Variants in AK8 observed in about 807,000 individuals in gnomAD.
The protein encoded by AK8 is adenylate kinase 8, also known as ATP-AMP transphosphorylase 8.
A neutral mutation model predicts 54.6 loss-of-function variants in AK8; 44 were observed. The observed-to-expected ratio is 0.81, with a 90% CI of 0.63 to 1.04. The LOEUF (loss-of-function observed/expected upper bound fraction) is 1.04, where lower values mean the gene tolerates loss of function less well. Among genes scored for constraint, AK8 ranks in the 50% least tolerant of loss-of-function variants. The pLI, the probability that AK8 is intolerant of heterozygous loss-of-function variation, is 0.00. For synonymous variants in AK8, 239 were observed against 245.6 expected (o/e 0.97, Z 0.25); for missense variants, 555 against 613.6 (o/e 0.90, Z 1.01).
chr9:132,858,568 C>G (rs1011626115), intron 4 of AK8, among the ~76,000 whole-genome samples: 2 of 152,214 alleles, frequency 1.3e-5, no homozygotes, highest in African/African-American at 2.4e-5. Context: ...ATGCCCTGAT[C>G]TGACCCCCAC....
At chr9:132,814,846 TAAAAGG>T in intron 9 of AK8, 119 bp from the exon 10 acceptor site, 1 of 785,168 alleles carries the variant, frequency 1.3e-6, no homozygotes, top group Non-Finnish European at 2.0e-6. Flanking sequence ...GAAAAAAGCA[TAAAAGG>T]GTTTTTCTGT....
intron 5 of AK8, among the ~76,000 whole-genome samples, chr9:132,844,748 G>C (rs1229654708): frequency 5.3e-5 from 8 of 152,186 alleles, no homozygotes; most frequent in Admixed American, 3.9e-4. Flanking sequence ...TATAAGACTA[G>C]AAGGGATTTC....
At chr9:132,732,631 G>A (rs922615044) in intron 11 of AK8, among the ~76,000 whole-genome samples, 1 of 152,102 alleles carries the variant, frequency 6.6e-6, no homozygotes, top group Non-Finnish European at 1.5e-5. Flanking sequence ...GCAATGAAGT[G>A]GAAGCCCGGG....
intron 11 of AK8, among the ~76,000 whole-genome samples, chr9:132,785,907 T>C (rs1839683164): frequency 6.6e-6 from 1 of 152,230 alleles, no homozygotes. Flanking sequence ...AATGGCTTCT[T>C]GAAACCCGCA....
At chr9:132,822,736 G>A (rs1841698896) in intron 9 of AK8, among the ~76,000 whole-genome samples, 1 of 152,120 alleles carries the variant, frequency 6.6e-6, no homozygotes, top group African/African-American at 2.4e-5. Context: ...TGTGCGGAGT[G>A]AGAAGTCTTC....
intron 11 of AK8, among the ~76,000 whole-genome samples, chr9:132,768,256 C>T (rs569450013): frequency 4.7e-4 from 66 of 139,414 alleles, no homozygotes; most frequent in Non-Finnish European, 7.0e-4. Flanking sequence ...AAATCAAAAT[C>T]ATTAACTTTT....
In AK8 at chr9:132,725,597, T is replaced by C. The variant is rs1836518049; in HGVS notation, c.*91A>G. 5.0e-6 allele frequency: 6 copies of C among 1,207,782 alleles called. No homozygotes were observed. In the African/African-American group the frequency reaches 6.1e-5, roughly 12 times the overall value. The allele number at this position is 1,207,782 out of a possible 1,614,324, so 74.8% of individuals were successfully genotyped here. A position where few individuals can be genotyped will look rare whatever the true frequency, so the allele number is the denominator to read the frequency against. On this transcript the variant is annotated 3_prime_UTR_variant, in exon 13 of 13. Transcript: ENST00000298545. ...ACGAGACTGTATCCAGCAGGCTTTATTGGCTTTTTAGGGGAGCTGTGCCGA... is the reference window on the plus strand; with the variant it reads ...ACGAGACTGTATCCAGCAGGCTTTACTGGCTTTTTAGGGGAGCTGTGCCGA...
At position 132,798,872 on chromosome 9, in the gene AK8, G is replaced by A. The variant is rs373005536; in HGVS notation, c.980-6097C>T. Among the ~76,000 whole-genome samples the A allele has an allele frequency of 5.3e-5, 8 of 152,228 alleles. No homozygotes were observed. In the East Asian group the frequency reaches 1.2e-3, roughly 22 times the overall value. The stretch of plus-strand genomic sequence containing the variant: ...TGCTCCCAGGCCTCCACTCCCCACC[G>A]CGGGCCCGTGTCCCACCCTCCTGTC... On this transcript the variant is annotated intron_variant, in intron 10 of 12. Transcript: ENST00000298545.
intron 11 of AK8, among the ~76,000 whole-genome samples, chr9:132,774,180 G>A (rs1043128377): frequency 6.6e-6 from 1 of 152,098 alleles, no homozygotes; most frequent in Non-Finnish European, 1.5e-5. Flanking sequence ...GGAGAGAAAA[G>A]GAGGCACAAT....
intron 10 of AK8, among the ~76,000 whole-genome samples, chr9:132,793,297 C>T (rs1840024870): frequency 1.3e-5 from 2 of 152,322 alleles, no homozygotes; most frequent in South Asian, 2.1e-4. Context: ...GACCTCATCA[C>T]CTCCCAAAGG....
At chr9:132,833,721 G>GA (rs1194300323) in intron 5 of AK8, among the ~76,000 whole-genome samples, 6 of 151,998 alleles carry the variant, frequency 3.9e-5, no homozygotes, top group African/African-American at 9.7e-5. Context: ...TGTCACAGAT[G>GA]AAAAAAAAGC....
Position 132,798,880 on chromosome 9 carries a change from G to A in AK8, c.980-6105C>T, listed in dbSNP as rs116729476. On this transcript the variant is annotated intron_variant, in intron 10 of 12. Transcript: ENST00000298545. ...GGCCTCCACTCCCCACCGCGGGCCCGTGTCCCACCCTCCTGTCTCGAAGGG... is the reference window on the plus strand; with the variant it reads ...GGCCTCCACTCCCCACCGCGGGCCCATGTCCCACCCTCCTGTCTCGAAGGG... Among the ~76,000 whole-genome samples, 1,020 of 152,218 alleles carry A rather than the reference G, an allele frequency of 6.7e-3. 5 individuals carry two copies. Among genetic ancestry groups the A allele is most frequent in the African/African-American group, 0.019 (791 of 41,544 alleles).
At position 132,767,527 on chromosome 9, in the gene AK8, CT is replaced by C. The variant is rs537695695; in HGVS notation, c.1121+25106del. On this transcript the variant is annotated intron_variant, in intron 11 of 12. Transcript: ENST00000298545. ...TTAGCGGGGCTGTAAATTAGTGCAG[CT>C]ACTTCGGAAAACAGTATGGAGGTTC... Among the ~76,000 whole-genome samples the C allele has an allele frequency of 2.3e-3, 352 of 152,174 alleles. 5 individuals carry two copies. Among genetic ancestry groups the C allele is most frequent in the African/African-American group, 8.3e-3 (346 of 41,540 alleles).
intron 10 of AK8, 65 bp downstream of exon 10, chr9:132,814,573 C>T (rs766002208): frequency 3.0e-5 from 44 of 1,476,242 alleles, no homozygotes; most frequent in Admixed American, 9.9e-5. Context: ...TTCAGAGAGC[C>T]GCACAAAAAG....
intron 10 of AK8, among the ~76,000 whole-genome samples, chr9:132,796,050 G>T (rs1320823577): frequency 2.0e-5 from 3 of 152,188 alleles, no homozygotes; most frequent in Non-Finnish European, 4.4e-5. Context: ...GGCCTGGAAG[G>T]TCATCCCATT....
intron 4 of AK8, among the ~76,000 whole-genome samples, chr9:132,859,452 T>A (rs1208253691): frequency 6.6e-6 from 1 of 151,796 alleles, no homozygotes; most frequent in Non-Finnish European, 1.5e-5. Flanking sequence ...AAGGTGGCGA[T>A]CCTCCCGCCT....
intron 5 of AK8, among the ~76,000 whole-genome samples, chr9:132,830,152 G>C (rs1221179108): frequency 6.6e-6 from 1 of 152,182 alleles, no homozygotes; most frequent in African/African-American, 2.4e-5. Flanking sequence ...TCCTTGCATA[G>C]AAGTTTTCAC....
intron 3 of AK8, 121 bp from the exon 4 acceptor site, chr9:132,863,899 A>G: frequency 2.6e-6 from 2 of 756,474 alleles, no homozygotes; most frequent in Non-Finnish European, 4.2e-6. Context: ...GGGAAGCACA[A>G]TTATTTCCAG....
chr9:132,741,452 A>C (rs1046956617), intron 11 of AK8, among the ~76,000 whole-genome samples: 2 of 152,196 alleles, frequency 1.3e-5, no homozygotes, highest in African/African-American at 4.8e-5. Context: ...ACGCCAGTCA[A>C]GATCCATTGG....
Sources: allele counts gnomAD v4.1 joint callset (sites outside exome capture counted in the v4.1 genomes callset), GRCh38; gene constraint gnomAD v4.1.1; transcripts MANE v1.5; gene names NCBI Gene and HGNC (gene_info 2026-07-23, HGNC 2026-07-21).